Variants in TNFRSF11A observed in about 807,000 individuals in gnomAD.
The protein encoded by TNFRSF11A is tumor necrosis factor receptor superfamily member 11A.
Under a neutral mutation model 55.7 loss-of-function variants are expected in TNFRSF11A, and 32 were observed. That is an observed-to-expected ratio of 0.57 (90% CI 0.43 to 0.77). The LOEUF is 0.77. Among genes scored for constraint, TNFRSF11A ranks in the 30% least tolerant of loss-of-function variants. The pLI, the probability that TNFRSF11A is intolerant of heterozygous loss-of-function variation, is 0.00. For missense variants in TNFRSF11A, 753 were observed against 809.8 expected (o/e 0.93, Z 0.85); for synonymous variants, 311 against 331.0 (o/e 0.94, Z 0.65).
At position 62,385,010 on chromosome 18, in the gene TNFRSF11A, G is replaced by C; in HGVS notation, c.1827G>C (p.Gln609His). ...CGGAGAAGGCCTCGAGGCCGGTGCA[G>C]GAGCAAGGCGGGGCCAAGGCTTGAG... is the stretch of plus-strand genomic sequence containing the variant. Reference protein sequence around the residue: ...REPEKASRPVQEQGGAKA With the variant: ...REPEKASRPVHEQGGAKA Residue 609 changes from glutamine to histidine, a missense_variant, in exon 10 of 10, where the codon CAG becomes CAC. This residue lies in a region of TNFRSF11A where 567 missense variants were observed against 596.7 expected (regional missense o/e 0.95). Transcript: ENST00000586569. 6.7e-7 allele frequency: 1 copy of C among 1,482,084 alleles called. No individual in the cohort carries two copies. The highest frequency in any genetic ancestry group is 8.9e-7 in the Non-Finnish European group (1 of 1,125,888). The allele number at this position is 1,482,084 out of a possible 1,614,324, so 91.8% of individuals were successfully genotyped here.
At chr18:62,377,402 C>T (rs1910974124) in intron 9 of TNFRSF11A, among the ~76,000 whole-genome samples, 1 of 152,146 alleles carries the variant, frequency 6.6e-6, no homozygotes, top group Non-Finnish European at 1.5e-5. Flanking sequence ...TGGGTAAATA[C>T]CAAAGAGTAT....
At chr18:62,365,771 G>A (rs1038515548) in intron 7 of TNFRSF11A, among the ~76,000 whole-genome samples, 3 of 152,026 alleles carry the variant, frequency 2.0e-5, no homozygotes, top group Non-Finnish European at 4.4e-5. Context: ...TTTGATGGGA[G>A]TAAGATGGCT....
At chr18:62,332,126 G>A (rs2046164046) in intron 1 of TNFRSF11A, among the ~76,000 whole-genome samples, 1 of 152,184 alleles carries the variant, frequency 6.6e-6, no homozygotes, top group Non-Finnish European at 1.5e-5. Context: ...TGAATGTGAT[G>A]GCTAAGCTGG....
chr18:62,349,233 G>A (rs916296655), intron 2 of TNFRSF11A, among the ~76,000 whole-genome samples: 2 of 150,554 alleles, frequency 1.3e-5, no homozygotes, highest in African/African-American at 4.9e-5. Flanking sequence ...CTGGAGTGCA[G>A]TGGCATGATT....
At chr18:62,339,606 C>T (rs2046283258) in intron 1 of TNFRSF11A, among the ~76,000 whole-genome samples, 1 of 152,168 alleles carries the variant, frequency 6.6e-6, no homozygotes, top group South Asian at 2.1e-4. Context: ...ACAGGTCCTG[C>T]CTTCAGTCCT....
chr18:62,354,077 A>G (rs1243486846), intron 3 of TNFRSF11A, among the ~76,000 whole-genome samples: 2 of 152,258 alleles, frequency 1.3e-5, no homozygotes, highest in African/African-American at 2.4e-5. Flanking sequence ...ACCCTTCTGC[A>G]TTCGCCAAAA....
intron 4 of TNFRSF11A, among the ~76,000 whole-genome samples, chr18:62,356,503 T>C (rs1326981282): frequency 6.6e-6 from 1 of 152,230 alleles, no homozygotes; most frequent in East Asian, 1.9e-4. Flanking sequence ...CTCTCTGCCT[T>C]GTACCTTTGG....
rs140888748 is a variant in TNFRSF11A, at chr18:62,361,767, A to G, written c.704A>G (p.Tyr235Cys). 3 of 1,614,064 alleles carry G rather than the reference A, an allele frequency of 1.9e-6. No individual in the cohort carries two copies. Among genetic ancestry groups the G allele is most frequent in the East Asian group, 2.2e-5 (1 of 44,886 alleles). ...LVAAIIFGVC[Y>C]RKKGKALTAN... ...GCTGCCATCATCTTTGGCGTTTGCTATAGGAAAAAAGGGAAAGCACTCACA... is the reference window on the plus strand; with the variant it reads ...GCTGCCATCATCTTTGGCGTTTGCTGTAGGAAAAAAGGGAAAGCACTCACA... The change falls in exon 7 of 10, where the codon TAT becomes TGT. Residue 235 changes from tyrosine to cysteine, a missense_variant. Tyr to Cys is a radical substitution (Grantham distance 194). Coordinates refer to ENST00000586569, the MANE Select transcript of TNFRSF11A (RefSeq NM_003839.4).
At position 62,386,014 on chromosome 18, in the gene TNFRSF11A, C is replaced by T. The variant is rs1363842913; in HGVS notation, c.*980C>T. The stretch of plus-strand genomic sequence containing the variant: ...GAAACCCGATTTATTTCTCCTGAAT[C>T]TTTTTAAGTTTGTGTCGTTCCTTAA... On this transcript the variant is annotated 3_prime_UTR_variant, in exon 10 of 10. Coordinates refer to ENST00000586569, the MANE Select transcript of TNFRSF11A (RefSeq NM_003839.4). 6.6e-6 allele frequency: 1 copy of T among 152,196 alleles called. No individual in the cohort carries two copies. The highest frequency in any genetic ancestry group is 1.5e-5 in the Non-Finnish European group (1 of 68,026). 9.4% of individuals were successfully genotyped at this position (152,196 alleles called of 1,614,324 possible).
At chr18:62,350,413 C>T (rs1223827104) in intron 3 of TNFRSF11A, among the ~76,000 whole-genome samples, 1 of 152,206 alleles carries the variant, frequency 6.6e-6, no homozygotes, top group Non-Finnish European at 1.5e-5. Context: ...CTGCCTCAGC[C>T]TCCTGAGTAG....
intron 9 of TNFRSF11A, among the ~76,000 whole-genome samples, chr18:62,377,694 T>C (rs1371051990): frequency 6.6e-6 from 1 of 152,216 alleles, no homozygotes; most frequent in Non-Finnish European, 1.5e-5. Context: ...ATATCTTTGG[T>C]GAGGTGTCTG....
intron 1 of TNFRSF11A, among the ~76,000 whole-genome samples, chr18:62,346,567 G>A (rs1452759540): frequency 6.6e-6 from 1 of 152,164 alleles, no homozygotes; most frequent in South Asian, 2.1e-4. Flanking sequence ...CAGGGCCCAG[G>A]AAGCAAGTCC....
intron 9 of TNFRSF11A, among the ~76,000 whole-genome samples, chr18:62,381,932 G>T (rs1381733297): frequency 6.6e-6 from 1 of 151,846 alleles, no homozygotes; most frequent in Non-Finnish European, 1.5e-5. Flanking sequence ...TTGCTGCTAC[G>T]GTAGAAGCCT....
intron 9 of TNFRSF11A, among the ~76,000 whole-genome samples, chr18:62,371,549 A>G (rs1910551963): frequency 6.6e-6 from 1 of 152,212 alleles, no homozygotes; most frequent in Admixed American, 6.5e-5. Context: ...GTTAATTTGC[A>G]AAAAGTTTAC....
At chr18:62,361,051 A>G (rs1166695155) in intron 6 of TNFRSF11A, among the ~76,000 whole-genome samples, 1 of 152,222 alleles carries the variant, frequency 6.6e-6, no homozygotes, top group East Asian at 1.9e-4. Flanking sequence ...TTGGCAGATA[A>G]CATTAAATAT....
At chr18:62,359,474 G>A (rs569208942) in intron 5 of TNFRSF11A, among the ~76,000 whole-genome samples, 33 of 152,058 alleles carry the variant, frequency 2.2e-4, no homozygotes, top group Non-Finnish European at 3.8e-4. Flanking sequence ...CAACCTCCTG[G>A]GCTCAAGCAA....
rs540055067 is a variant in TNFRSF11A at position 62,328,601 on chromosome 18, G to A, written c.75+3174G>A. ...GAAGCAGGCCACAGGGCCCTGGAGCGCCCATGGGGAGACCCCTCCGAAGAA... is the reference window on the plus strand; with the variant it reads ...GAAGCAGGCCACAGGGCCCTGGAGCACCCATGGGGAGACCCCTCCGAAGAA... On this transcript the variant is annotated intron_variant, in intron 1 of 9. Coordinates refer to ENST00000586569, the MANE Select transcript of TNFRSF11A (RefSeq NM_003839.4). Among the ~76,000 whole-genome samples the A allele has an allele frequency of 2.2e-4, 34 of 152,246 alleles. 1 individual carries two copies. The South Asian group carries it at 5.4e-3, about 24-fold the overall frequency.
chr18:62,334,616 C>T (rs10163810), intron 1 of TNFRSF11A, among the ~76,000 whole-genome samples: 23,264 of 152,216 alleles, frequency 0.15, 2,420 homozygotes, highest in Middle Eastern at 0.28. Context: ...ACAATTATAG[C>T]TAATCTGGGG....
At position 62,358,318 on chromosome 18, in the gene TNFRSF11A, G is replaced by A. The variant is rs759831655; in HGVS notation, c.498G>A (p.Thr166=). 7 of 1,609,310 alleles carry A rather than the reference G, an allele frequency of 4.3e-6. No individual in the cohort carries two copies. Among genetic ancestry groups the A allele is most frequent in the South Asian group, 1.1e-5 (1 of 90,978 alleles). ...AGYFSDAFSS[T]DKCRPWTNCT... is the part of the protein sequence containing the mutation. ...ACTTCTCTGATGCCTTTTCCTCCAC[G>A]GACAAATGCAGACCCTGGACCAAGT... is the stretch of plus-strand genomic sequence containing the variant. The change falls in exon 5 of 10, where the codon ACG becomes ACA. Residue 166 remains threonine (T), a synonymous_variant. Transcript: ENST00000586569.
Sources: gnomAD v4.1 joint callset for allele counts (sites outside exome capture counted in the v4.1 genomes callset) on GRCh38, gnomAD v4.1.1 for gene constraint, gnomAD v4.1.1 regional missense constraint, MANE v1.5 for transcripts, NCBI Gene and HGNC (gene_info 2026-07-23, HGNC 2026-07-21) for gene names.